The following SPEG variants were observed in gnomAD, a reference collection of about 807,000 sequenced individuals.
SPEG encodes striated muscle enriched protein kinase, also known as striated muscle preferentially expressed protein kinase.
SPEG carries 114 observed loss-of-function variants against 300.4 expected under a neutral mutation model. That is an observed-to-expected ratio of 0.38 (90% CI 0.33 to 0.44). The LOEUF is 0.44. Ranked by LOEUF, SPEG falls within the 20% of genes least tolerant of loss-of-function variation. The probability of loss-of-function intolerance (pLI) is 1.00; values close to 1 mark genes in which losing one functional copy is unlikely to be tolerated. For missense variants in SPEG, 4,201 were observed against 4,586.2 expected, an observed-to-expected ratio of 0.92 and a Z score of 2.43; for synonymous variants, 1,964 against 2,018.9, an observed-to-expected ratio of 0.97 and a Z score of 0.73.
intron 6 of SPEG, chr2:219,461,172 C>A (rs1014832642): frequency 2.0e-6 from 2 of 975,668 alleles, no homozygotes; most frequent in South Asian, 9.5e-5. Flanking sequence ...CACCCCTCCC[C>A]CAAGGCTGAC....
chr2:219,483,173 G>A lies in SPEG; in HGVS notation c.5710G>A (p.Val1904Met). 1 of 1,609,914 alleles carries A rather than the reference G, an allele frequency of 6.2e-7. No individual in the cohort carries two copies. The highest frequency in any genetic ancestry group is 8.5e-7 in the Non-Finnish European group (1 of 1,179,358). ...GCTGCTGCGGGCCCCCCCAGAGCGG[G>A]TGTGGGTGACCATGCCCAGAAGGCC... ...PELLRAPPER[V>M]WVTMPRRPPP... The change falls in exon 30 of 41, where the codon GTG (valine) becomes ATG (methionine). Residue 1904 changes from valine to methionine, a missense_variant. Coordinates refer to ENST00000312358, the MANE Select transcript of SPEG (RefSeq NM_005876.5).
At position 219,481,968 on chromosome 2, in the gene SPEG, A is replaced by C; in HGVS notation, c.5565+288A>C. ...GGCGTCCTCAGTGGAGTTCTCCCCCATGCTTGAGACCAGACCCTGGTCTTC... is the reference window on the plus strand; with the variant it reads ...GGCGTCCTCAGTGGAGTTCTCCCCCCTGCTTGAGACCAGACCCTGGTCTTC... On this transcript the variant is annotated intron_variant, in intron 28 of 40. Transcript: ENST00000312358. The surrounding 1 kb of genome is among the most constrained non-coding windows in gnomAD (Gnocchi z 5.4). 1.8e-6 allele frequency: 1 copy of C among 552,564 alleles called. No individual in the cohort carries two copies. The allele number at this position is 552,564 out of a possible 1,614,324, so 34.2% of individuals were successfully genotyped here. A position where few individuals can be genotyped will look rare whatever the true frequency, so the allele number is the denominator to read the frequency against.
chr2:219,468,629 T>C lies in SPEG; in HGVS notation c.3194T>C (p.Leu1065Pro). The C allele has an allele frequency of 1.2e-6, 2 of 1,614,004 alleles. No individual in the cohort carries two copies. The highest frequency in any genetic ancestry group is 1.7e-6 in the Non-Finnish European group (2 of 1,179,998). The change falls in exon 11 of 41, where the codon CTG (leucine) becomes CCG (proline). Residue 1065 changes from leucine (L) to proline (P), a missense_variant. Physicochemically the swap from Leu to Pro is moderately conservative, Grantham distance 98 (BLOSUM62 -3). This residue lies in a region of SPEG where 1,047 missense variants were observed against 1,356.8 expected (regional missense o/e 0.77). Coordinates refer to ENST00000312358, the MANE Select transcript of SPEG (RefSeq NM_005876.5). ...RLTVRPSLAP[L>P]FTRLLEDVEV... Reference sequence around the variant, plus strand: ...ACCGTGCGGCCCTCGTTGGCACCCCTGTTCACACGGCTGCTGGAAGATGTG... The same window carrying C: ...ACCGTGCGGCCCTCGTTGGCACCCCCGTTCACACGGCTGCTGGAAGATGTG...
At chr2:219,440,241 G>T (rs538091354) in intron 1 of SPEG, among the ~76,000 whole-genome samples, 1 of 151,874 alleles carries the variant, frequency 6.6e-6, no homozygotes. Context: ...TTAAAAATTA[G>T]CTGGGCATGA....
intron 3 of SPEG, among the ~76,000 whole-genome samples, chr2:219,446,754 A>G (rs1321331736): frequency 2.0e-5 from 3 of 152,150 alleles, no homozygotes; most frequent in African/African-American, 4.8e-5. Flanking sequence ...CAGCTGTGTC[A>G]CCTTGGTAAG....
chr2:219,435,320 G>A lies in SPEG; in HGVS notation c.343G>A (p.Gly115Ser), dbSNP rs757353698. Reference protein sequence around the residue: ...VYSCMAQNERGRASCEAVLTV... With the variant: ...VYSCMAQNERSRASCEAVLTV... Reference sequence around the variant, plus strand: ...CAGCTGCATGGCCCAGAACGAGCGGGGCCGGGCCTCCTGCGAGGCGGTGCT... The same window carrying A: ...CAGCTGCATGGCCCAGAACGAGCGGAGCCGGGCCTCCTGCGAGGCGGTGCT... Residue 115 changes from glycine (G) to serine (S), a missense_variant, in exon 1 of 41, where the codon GGC becomes AGC. Gly to Ser is a moderately conservative substitution (Grantham distance 56, BLOSUM62 0). This residue lies in a region of SPEG where 1,258 missense variants were observed against 1,293.9 expected (regional missense o/e 0.97). Transcript: ENST00000312358. 2.6e-6 allele frequency: 4 copies of A among 1,537,058 alleles called. No individual in the cohort carries two copies. The highest frequency in any genetic ancestry group is 3.5e-6 in the Non-Finnish European group (4 of 1,149,032).
intron 37 of SPEG, 23 bp downstream of exon 37, chr2:219,490,671 T>C: frequency 3.1e-6 from 5 of 1,607,638 alleles, no homozygotes; most frequent in Non-Finnish European, 4.3e-6. Context: ...TCTAGGGGAG[T>C]AGGGAGGAAG....
In SPEG at chr2:219,479,696, A is replaced by G. The variant is rs983733884; in HGVS notation, c.5086-87A>G. ...ACGAGCCATCTGAAGGCTACTCCAC[A>G]GGCACAGCCGGACCGCTTGCCGCCC... On this transcript the variant is annotated intron_variant, in intron 23 of 40. Transcript: ENST00000312358. The surrounding 1 kb of genome is among the most constrained non-coding windows in gnomAD (Gnocchi z 5.5). 14 of 1,238,666 alleles carry G rather than the reference A, an allele frequency of 1.1e-5. No homozygotes were observed. In the Admixed American group the frequency reaches 1.2e-4, roughly 10 times the overall value. The allele number at this position is 1,238,666 out of a possible 1,614,324, so 76.7% of individuals were successfully genotyped here. A position where few individuals can be genotyped will look rare whatever the true frequency, so the allele number is the denominator to read the frequency against.
At position 219,484,902 on chromosome 2, in the gene SPEG, C is replaced by G. The variant is rs1274704485; in HGVS notation, c.7439C>G (p.Ala2480Gly). 1.3e-6 allele frequency: 2 copies of G among 1,525,740 alleles called. No individual in the cohort carries two copies. The highest frequency in any genetic ancestry group is 2.5e-5 in the East Asian group (1 of 39,644). The allele number at this position is 1,525,740 out of a possible 1,614,324, so 94.5% of individuals were successfully genotyped here. Residue 2480 changes from alanine to glycine, a missense_variant, in exon 30 of 41, where the codon GCG (alanine) becomes GGG (glycine). Ala to Gly is a moderately conservative substitution (Grantham distance 60). This residue lies in a region of SPEG where 1,578 missense variants were observed against 1,506.0 expected (regional missense o/e 1.05). Coordinates refer to ENST00000312358, the MANE Select transcript of SPEG (RefSeq NM_005876.5). Reference sequence around the variant, plus strand: ...GGCAGCAGCGAGGACTCGGGGGGCGCGTCGGGCCGCAGCACGCCGCTGTTC... The same window carrying G: ...GGCAGCAGCGAGGACTCGGGGGGCGGGTCGGGCCGCAGCACGCCGCTGTTC... ...RSGSSEDSGG[A>G]SGRSTPLFGR...
rs748466576 is a variant in SPEG at position 219,488,581 on chromosome 2, G to A, written c.7942G>A (p.Gly2648Ser). The change falls in exon 33 of 41, where the codon GGC (glycine) becomes AGC (serine). Residue 2648 changes from glycine to serine, a missense_variant. Around this residue, in one of 4 missense-constraint regions of SPEG, gnomAD observed 1,578 missense variants for 1,506.0 expected, o/e 1.05. Coordinates refer to ENST00000312358, the MANE Select transcript of SPEG (RefSeq NM_005876.5). The stretch of plus-strand genomic sequence containing the variant: ...GCAGCTGCTCAGCATCCCCCGGGCG[G>A]GCAAGCGGCACGCCGGTCTCTATGA... ...GRQLLSIPRA[G>S]KRHAGLYECS... 1 of 1,612,290 alleles carries A rather than the reference G, an allele frequency of 6.2e-7. No individual in the cohort carries two copies. Among genetic ancestry groups the A allele is most frequent in the South Asian group, 1.1e-5 (1 of 90,946 alleles).
In SPEG at chr2:219,469,135, G is replaced by A. The variant is rs1262507736; in HGVS notation, c.3492-21G>A. 4 of 1,613,054 alleles carry A rather than the reference G, an allele frequency of 2.5e-6. No homozygotes were observed. In the Admixed American group the frequency reaches 5.0e-5, roughly 20 times the overall value. On this transcript the variant is annotated intron_variant, in intron 12 of 40. Transcript: ENST00000312358. The stretch of plus-strand genomic sequence containing the variant: ...TGGGAGGCACGGCCCTGGGCCTGTG[G>A]GCAGCTGTGTGGTCTTGCAGCTCGA...
chr2:219,482,189 T>C (rs1692912759), intron 28 of SPEG: 1 of 181,648 alleles, frequency 5.5e-6, no homozygotes, highest in Non-Finnish European at 1.2e-5. Context: ...GGAGGGGGGG[T>C]TCAGCAAATG....
chr2:219,493,600 G>C lies in SPEG; in HGVS notation c.*814G>C. The C allele has an allele frequency of 2.2e-6, 1 of 464,842 alleles. No individual in the cohort carries two copies. Among genetic ancestry groups the C allele is most frequent in the Non-Finnish European group, 4.3e-6 (1 of 230,378 alleles). 28.8% of individuals were successfully genotyped at this position (464,842 alleles called of 1,614,324 possible). ...CAGCCATCCAGCTGTCTGTCTGTCT[G>C]CCACAAGGAAATAAAAATGGCAAGC... On this transcript the variant is annotated 3_prime_UTR_variant, in exon 41 of 41. Coordinates refer to ENST00000312358, the MANE Select transcript of SPEG (RefSeq NM_005876.5).
chr2:219,453,998 G>C (rs1244300128), intron 6 of SPEG, among the ~76,000 whole-genome samples: 2 of 152,216 alleles, frequency 1.3e-5, no homozygotes, highest in Admixed American at 1.3e-4. Context: ...GGTAGAGGGA[G>C]GCAGTGGGCA....
chr2:219,449,371 C>T, intron 4 of SPEG, 100 bp downstream of exon 4: 1 of 969,816 alleles, frequency 1.0e-6, no homozygotes, highest in Non-Finnish European at 1.4e-6. Context: ...TCGGGGGTTT[C>T]GCCTGGGGCT....
At chr2:219,442,863 G>A (rs920334570) in intron 1 of SPEG, among the ~76,000 whole-genome samples, 5 of 152,126 alleles carry the variant, frequency 3.3e-5, no homozygotes, top group African/African-American at 1.2e-4. Context: ...TCCACCTGCA[G>A]CCTGCAGTTC....
chr2:219,472,126 C>A, intron 14 of SPEG, 101 bp from the exon 15 acceptor site: 1 of 1,513,272 alleles, frequency 6.6e-7, no homozygotes, highest in Non-Finnish European at 9.0e-7. Context: ...CCTGCCCCTG[C>A]GGCTGAGCCC....
At position 219,484,037 on chromosome 2, in the gene SPEG, G is replaced by A. The variant is rs759155576; in HGVS notation, c.6574G>A (p.Ala2192Thr). 2 of 1,613,488 alleles carry A rather than the reference G, an allele frequency of 1.2e-6. No homozygotes were observed. The highest frequency in any genetic ancestry group is 3.3e-5 in the Admixed American group (2 of 60,004). Residue 2192 changes from alanine (A) to threonine (T), a missense_variant, in exon 30 of 41, where the codon GCA (alanine) becomes ACA (threonine). This residue lies in a region of SPEG where 1,578 missense variants were observed against 1,506.0 expected (regional missense o/e 1.05). Transcript: ENST00000312358. ...SAPKPSTPKS[A>T]EPSATTPSDA... ...CCCCAAACCCAGTACCCCTAAGTCT[G>A]CAGAACCTTCTGCCACCACACCTAG... is the stretch of plus-strand genomic sequence containing the variant.
rs1374889073 is a variant in SPEG at position 219,492,279 on chromosome 2, T to G, written c.9611+19T>G. The G allele has an allele frequency of 6.2e-7, 1 of 1,604,908 alleles. No homozygotes were observed. Among genetic ancestry groups the G allele is most frequent in the Non-Finnish European group, 8.5e-7 (1 of 1,173,672 alleles). On this transcript the variant is annotated intron_variant, in intron 40 of 40. Transcript: ENST00000312358. ...ATCCCTGGTGAGTGAGCCCCACACC[T>G]GCTATCCCCCAGTGTTACCTGCCCC...
Sources: gnomAD v4.1 joint callset for allele counts (sites outside exome capture counted in the v4.1 genomes callset) on GRCh38, gnomAD v4.1.1 for gene constraint, gnomAD v4.1.1 regional missense constraint, Gnocchi (gnomAD v3.1) non-coding constraint, MANE v1.5 for transcripts, NCBI Gene and HGNC (gene_info 2026-07-23, HGNC 2026-07-21) for gene names.